Variants in LRRC37A2 observed in about 807,000 individuals in gnomAD.
The protein encoded by LRRC37A2 is leucine rich repeat containing 37 member A2, also known as leucine-rich repeat-containing protein 37A2.
Under a neutral mutation model 68.8 loss-of-function variants are expected in LRRC37A2, and 9 were observed. That is an observed-to-expected ratio of 0.13 (90% confidence interval 0.08 to 0.23). The LOEUF (loss-of-function observed/expected upper bound fraction) is 0.23, where lower values mean the gene tolerates loss of function less well. LRRC37A2 is among the 10% of genes least tolerant of loss of function. The probability of loss-of-function intolerance (pLI) is 1.00; values close to 1 mark genes in which losing one functional copy is unlikely to be tolerated. For missense variants in LRRC37A2, 168 were observed against 950.4 expected, an observed-to-expected ratio of 0.18 and a Z score of 10.82; for synonymous variants, 63 against 367.6, an observed-to-expected ratio of 0.17 and a Z score of 9.48.
intron 4 of LRRC37A2, among the ~76,000 whole-genome samples, chr17:46,522,530 C>T (rs1427324433): frequency 6.5e-5 from 6 of 92,362 alleles, no homozygotes; most frequent in Admixed American, 2.0e-4. Flanking sequence ...CTGCAAGGTC[C>T]GCCTCCTGGG....
downstream of LRRC37A2, among the ~76,000 whole-genome samples, chr17:46,558,351 C>T (rs1163750637): frequency 2.8e-5 from 3 of 108,832 alleles, no homozygotes; most frequent in Admixed American, 9.1e-5. Context: ...CGAGCTACCG[C>T]GCCTGGCTTG....
rs201311857 is a variant in LRRC37A2, at chr17:46,548,935, C to T, written c.3796C>T (p.Pro1266Ser). 6.8e-5 allele frequency: 110 copies of T among 1,612,548 alleles called. 5 individuals are homozygous for T. The African/African-American group carries it at 1.3e-3, about 20-fold the overall frequency. The change falls in exon 10 of 15, where the codon CCA (proline) becomes TCA (serine). Residue 1266 changes from proline to serine, a missense_variant. By Grantham distance (74) the Pro-to-Ser change is moderately conservative. Coordinates refer to ENST00000576629, the Ensembl canonical transcript of LRRC37A2. ...TACCTCCAGCCCTGCAAAAGCCCTA[C>T]CACAGGTGAGAGACAGATGGAAAGA...
chr17:46,759,775 T>TC, the LRRC37A2 span, among the ~76,000 whole-genome samples: 1 of 152,214 alleles, frequency 6.6e-6, no homozygotes, highest in East Asian at 1.9e-4. Context: ...CCTCATCCCC[T>TC]CATCCTTGAA....
In LRRC37A2 at chr17:46,548,973, T is replaced by TA; in HGVS notation, c.3835dup (p.Ile1279AsnfsTer10). The TA allele has an allele frequency of 6.2e-7, 1 of 1,612,274 alleles. No individual in the cohort carries two copies. The highest frequency in any genetic ancestry group is 1.7e-5 in the Admixed American group (1 of 59,916). On this transcript the variant is annotated frameshift_variant, in exon 10 of 15. Coordinates refer to ENST00000576629, the Ensembl canonical transcript of LRRC37A2. LOFTEE classifies it high-confidence loss of function. ...ACAGATGGAAAGACTTAACCCACGCTATTTCCATTTTAGAAAGTGCAAAGG... is the reference window on the plus strand; with the variant it reads ...ACAGATGGAAAGACTTAACCCACGCTAATTTCCATTTTAGAAAGTGCAAAGG...
chr17:46,619,783 A>AC, the LRRC37A2 span, among the ~76,000 whole-genome samples: 4 of 88,122 alleles, frequency 4.5e-5, 1 homozygote, highest in East Asian at 1.1e-3. Context: ...AAAAAAAAAA[A>AC]AAAAAAAAAA....
chr17:46,764,643 G>A, the LRRC37A2 span: 1 of 152,294 alleles, frequency 6.6e-6, no homozygotes, highest in Non-Finnish European at 1.5e-5. Context: ...TCAAGAGGAA[G>A]AATTAGAAAC....
chr17:46,838,119 A>G, the LRRC37A2 span, among the ~76,000 whole-genome samples: 1 of 152,044 alleles, frequency 6.6e-6, no homozygotes, highest in Non-Finnish European at 1.5e-5. Flanking sequence ...AAGTCATGGG[A>G]GGGGCAACAG....
chr17:46,784,933 G>A, the LRRC37A2 span, among the ~76,000 whole-genome samples: 1 of 152,012 alleles, frequency 6.6e-6, no homozygotes, highest in Non-Finnish European at 1.5e-5. Flanking sequence ...CCGCCACCAT[G>A]CCCGGCTAAT....
At chr17:46,741,066 A>G in the LRRC37A2 span, among the ~76,000 whole-genome samples, 1 of 152,188 alleles carries the variant, frequency 6.6e-6, no homozygotes, top group Non-Finnish European at 1.5e-5. Flanking sequence ...AATCTAGTTT[A>G]AAATTACACA....
At chr17:46,721,205 C>T in the LRRC37A2 span, among the ~76,000 whole-genome samples, 1 of 152,222 alleles carries the variant, frequency 6.6e-6, no homozygotes, top group Non-Finnish European at 1.5e-5. Context: ...CATACCCCTC[C>T]AGCCTGTGTC....
chr17:46,803,293 G>A, the LRRC37A2 span, among the ~76,000 whole-genome samples: 18 of 152,290 alleles, frequency 1.2e-4, no homozygotes, highest in Admixed American at 2.6e-4. Context: ...CAGCACTTTC[G>A]GAGGCCCAGA....
At chr17:46,939,552 C>T in the LRRC37A2 span, 1 of 985,442 alleles carries the variant, frequency 1.0e-6, no homozygotes, top group Non-Finnish European at 1.2e-6. Flanking sequence ...GGGCCTTTGC[C>T]CCTTAGAAAG....
At chr17:46,496,638 G>T in the LRRC37A2 span, among the ~76,000 whole-genome samples, 3 of 124,918 alleles carry the variant, frequency 2.4e-5, no homozygotes, top group Non-Finnish European at 5.0e-5. Flanking sequence ...AAACAGGCCT[G>T]GTGCAGTGGC....
chr17:46,994,385 CA>C, the LRRC37A2 span, among the ~76,000 whole-genome samples: 1 of 137,596 alleles, frequency 7.3e-6, no homozygotes, highest in South Asian at 2.3e-4. Flanking sequence ...AACTCCATCT[CA>C]AAAAAAAAGA....
At chr17:46,940,815 T>C in the LRRC37A2 span, 3 of 1,471,320 alleles carry the variant, frequency 2.0e-6, no homozygotes, top group Non-Finnish European at 2.7e-6. Context: ...CTTTACCACC[T>C]GCGGCTGGTG....
chr17:46,494,881 T>A, the LRRC37A2 span, among the ~76,000 whole-genome samples: 2 of 151,138 alleles, frequency 1.3e-5, no homozygotes. Context: ...TATTGTTGAC[T>A]CTAGTCACCC....
At chr17:46,980,053 G>A in the LRRC37A2 span, among the ~76,000 whole-genome samples, 1 of 152,024 alleles carries the variant, frequency 6.6e-6, no homozygotes, top group Non-Finnish European at 1.5e-5. Flanking sequence ...TACAGCTATG[G>A]CTCTGAATTG....
the LRRC37A2 span, chr17:46,923,866 G>A: frequency 5.0e-6 from 2 of 398,526 alleles, 1 homozygote; most frequent in Middle Eastern, 1.3e-3. Flanking sequence ...GAGATACGTA[G>A]TTGAGTATTA....
chr17:47,038,093 CAGG>C, the LRRC37A2 span, among the ~76,000 whole-genome samples: 2 of 152,074 alleles, frequency 1.3e-5, no homozygotes, highest in African/African-American at 4.8e-5. Context: ...TGCTTGACCC[CAGG>C]AGTTCGAGGC....
Sources: gnomAD v4.1 joint callset for allele counts (sites outside exome capture counted in the v4.1 genomes callset) on GRCh38, gnomAD v4.1.1 for gene constraint, MANE v1.5 for transcripts, NCBI Gene and HGNC (gene_info 2026-07-23, HGNC 2026-07-21) for gene names.